The following IL9R variants were observed in gnomAD, a reference collection of about 807,000 sequenced individuals.
IL9R encodes interleukin 9 receptor, also known as interleukin-9 receptor.
IL9R carries 54 observed loss-of-function variants against 56.3 expected under a neutral mutation model. That is an observed-to-expected ratio of 0.96 (90% CI 0.77 to 1.20). The LOEUF is 1.20. IL9R is among the 50% of genes most tolerant of loss of function. IL9R has a pLI of 0.00. For missense variants in IL9R, 545 were observed against 629.8 expected, an observed-to-expected ratio of 0.87 and a Z score of 1.44; for synonymous variants, 212 against 250.2, an observed-to-expected ratio of 0.85 and a Z score of 1.44.
chrX:156,005,238 C>T (rs374284895), intron 5 of IL9R, 40 bp from the exon 6 acceptor site: 4 of 1,570,944 alleles, frequency 2.5e-6, no homozygotes, highest in African/African-American at 1.4e-5. Flanking sequence ...AGGGACCCAG[C>T]CCCACCTTCA....
intron 4 of IL9R, chrX:156,004,078 G>A: frequency 1.6e-6 from 1 of 609,972 alleles, no homozygotes; most frequent in Non-Finnish European, 2.9e-6. Flanking sequence ...ATGCACGGCT[G>A]CTAGTTGGGG....
At chrX:155,999,953 C>T (rs1253163724) in intron 1 of IL9R, among the ~76,000 whole-genome samples, 1 of 151,924 alleles carries the variant, frequency 6.6e-6, no homozygotes, top group Non-Finnish European at 1.5e-5. Flanking sequence ...TGGTGAAACC[C>T]TGTGTCTACT....
At chrX:156,006,647 C>A (rs762074222) in intron 7 of IL9R, among the ~76,000 whole-genome samples, 1 of 152,040 alleles carries the variant, frequency 6.6e-6, no homozygotes, top group African/African-American at 2.4e-5. Context: ...CTTAAATAAA[C>A]CGTCACGCCT....
intron 1 of IL9R, chrX:156,001,655 G>T (rs2067538117): frequency 1.8e-5 from 11 of 607,118 alleles, no homozygotes; most frequent in Non-Finnish European, 3.1e-5. Context: ...CTGTGTGCGT[G>T]TCTGGTTTTT....
Position 156,005,356 on chromosome X carries a change from C to G in IL9R, c.658C>G (p.His220Asp), listed in dbSNP as rs780276371. The change falls in exon 6 of 9, where the codon CAT (histidine) becomes GAT (aspartate). Residue 220 changes from histidine to aspartate, a missense_variant. Transcript: ENST00000244174. ...EAFELDPGFI[H>D]EARLRVQMAT... ...CTTTGAGCTGGACCCTGGCTTTATC[C>G]ATGAGGCCAGGCTGCGTGTCCAGAT... 1 of 1,612,690 alleles carries G rather than the reference C, an allele frequency of 6.2e-7. No individual in the cohort carries two copies. The highest frequency in any genetic ancestry group is 1.1e-5 in the South Asian group (1 of 91,000).
chrX:156,011,685 C>T (rs950696369), downstream of IL9R, among the ~76,000 whole-genome samples: 9 of 79,094 alleles, frequency 1.1e-4, no homozygotes, highest in South Asian at 4.4e-3. Flanking sequence ...GGGTCATTCT[C>T]CTGGCCTTGT....
Position 156,006,065 on chromosome X carries a change from G to A in IL9R, c.782-18G>A, listed in dbSNP as rs771526691. The A allele has an allele frequency of 2.0e-6, 3 of 1,517,508 alleles. No homozygotes were observed. Among genetic ancestry groups the A allele is most frequent in the Non-Finnish European group, 2.7e-6 (3 of 1,094,154 alleles). 94.0% of individuals were successfully genotyped at this position (1,517,508 alleles called of 1,614,324 possible). A position where few individuals can be genotyped will look rare whatever the true frequency, so the allele number is the denominator to read the frequency against. ...GGCACTGAGGCTGCTCACAGCCCTG[G>A]GCCCTTCCTGTCCACAGGCCCTCTG... On this transcript the variant is annotated intron_variant, in intron 6 of 8. Coordinates refer to ENST00000244174, the MANE Select transcript of IL9R (RefSeq NM_002186.3).
At chrX:156,007,876 T>C in intron 8 of IL9R, 2 of 392,532 alleles carry the variant, frequency 5.1e-6, no homozygotes, top group Non-Finnish European at 8.2e-6. Context: ...TCATAACTTA[T>C]CTCTGTCCCC....
At chrX:156,000,143 A>ATATATATATATATAT (rs1220909165) in intron 1 of IL9R, among the ~76,000 whole-genome samples, 2 of 129,868 alleles carry the variant, frequency 1.5e-5, no homozygotes, top group African/African-American at 6.5e-5. Context: ...CTAAAAAAAA[A>ATATATATATATATAT]AAATATATAT....
chrX:156,001,537 A>AG (rs2067524111), intron 1 of IL9R: 1 of 1,455,316 alleles, frequency 6.9e-7, no homozygotes, highest in Non-Finnish European at 9.6e-7. Context: ...CAGTCTTAAC[A>AG]GGGGACTGTC....
At chrX:155,999,890 C>T (rs1176146160) in intron 1 of IL9R, among the ~76,000 whole-genome samples, 4 of 152,004 alleles carry the variant, frequency 2.6e-5, no homozygotes, top group African/African-American at 7.3e-5. Flanking sequence ...CTTTGGGAGG[C>T]CAAAGCAGGT....
In IL9R at chrX:156,005,460, C is replaced by T. The variant is rs371057928; in HGVS notation, c.762C>T (p.Phe254=). 1 of 1,612,646 alleles carries T rather than the reference C, an allele frequency of 6.2e-7. No individual in the cohort carries two copies. ...QWSEWSQPVC[F]QAPQRQGPLI... ...GTGAGTGGAGCCAGCCTGTGTGCTT[C>T]CAGGCTCCCCAGAGACAAGGTGGGC... The change falls in exon 6 of 9, where the codon TTC becomes TTT. Residue 254 remains phenylalanine (F), a synonymous_variant. Transcript: ENST00000244174.
chrX:155,998,587 T>G (rs908160011), intron 1 of IL9R, among the ~76,000 whole-genome samples: 9 of 151,922 alleles, frequency 5.9e-5, no homozygotes, highest in Non-Finnish European at 1.3e-4. Flanking sequence ...AATTTTTTTT[T>G]GAGACAGAGT....
intron 6 of IL9R, among the ~76,000 whole-genome samples, chrX:156,005,876 G>A (rs2067898567): frequency 6.7e-6 from 1 of 149,320 alleles, no homozygotes; most frequent in Non-Finnish European, 1.5e-5. Context: ...GCCCAGGAGT[G>A]TGGTTCACAC....
intron 1 of IL9R, among the ~76,000 whole-genome samples, chrX:156,000,330 A>C (rs2067434100): frequency 6.6e-6 from 1 of 151,980 alleles, no homozygotes; most frequent in Non-Finnish European, 1.5e-5. Flanking sequence ...AGGAAAGGTG[A>C]GGGCAGGGCA....
chrX:156,007,421 A>G (rs1180720995), intron 7 of IL9R, 102 bp from the exon 8 acceptor site: 3 of 794,338 alleles, frequency 3.8e-6, no homozygotes, highest in Non-Finnish European at 6.7e-6. Flanking sequence ...GGCAGGGACG[A>G]GGTGGGCGGA....
Position 156,004,543 on chromosome X carries a change from A to T in IL9R, c.557A>T (p.Lys186Met). 6.2e-7 allele frequency: 1 copy of T among 1,612,928 alleles called. No individual in the cohort carries two copies. The highest frequency in any genetic ancestry group is 1.1e-5 in the South Asian group (1 of 91,020). ...TTLLSYELAFKKQEEAWEQAQ... is the reference protein window; with the variant it reads ...TTLLSYELAFMKQEEAWEQAQ... ...CTTCTCAGCTATGAGCTGGCCTTCA[A>T]GAAGCAGGAAGAGGCCTGGGAGGTA... Residue 186 changes from lysine to methionine, a missense_variant, in exon 5 of 9, where the codon AAG becomes ATG. Coordinates refer to ENST00000244174, the MANE Select transcript of IL9R (RefSeq NM_002186.3).
intron 8 of IL9R, among the ~76,000 whole-genome samples, chrX:156,009,045 T>TTA: frequency 7.5e-6 from 1 of 133,382 alleles, no homozygotes; most frequent in East Asian, 2.1e-4. Context: ...CTGTGTGTGT[T>TTA]TGTGTCTGTG....
chrX:156,008,950 T>C (rs1320074613), intron 8 of IL9R, among the ~76,000 whole-genome samples: 1 of 146,994 alleles, frequency 6.8e-6, no homozygotes, highest in African/African-American at 2.7e-5. Context: ...TGTATGTCTG[T>C]GTGTGTGTGT....
Sources: allele counts gnomAD v4.1 joint callset (sites outside exome capture counted in the v4.1 genomes callset), GRCh38; gene constraint gnomAD v4.1.1; transcripts MANE v1.5; gene names NCBI Gene and HGNC (gene_info 2026-07-23, HGNC 2026-07-21).